The following TEP1 variants were observed in gnomAD, a reference collection of about 807,000 sequenced individuals.
TEP1 encodes telomerase associated protein 1, also known as telomerase protein component 1.
Under a neutral mutation model 306.3 loss-of-function variants are expected in TEP1, and 241 were observed. The ratio of observed to expected loss-of-function variants is 0.79; its 90% confidence interval spans 0.71 to 0.88. TEP1 has a LOEUF of 0.88. Among genes scored for constraint, TEP1 ranks in the 40% least tolerant of loss-of-function variants. The probability of loss-of-function intolerance (pLI) is 0.00; values close to 1 mark genes in which losing one functional copy is unlikely to be tolerated. For missense variants in TEP1, 3,051 were observed against 3,276.1 expected, an observed-to-expected ratio of 0.93 and a Z score of 1.68; for synonymous variants, 1,289 against 1,305.5, an observed-to-expected ratio of 0.99 and a Z score of 0.27.
Position 20,386,437 on chromosome 14 carries a change from G to T in TEP1, c.2861+10C>A. 6.3e-7 allele frequency: 1 copy of T among 1,590,188 alleles called. No homozygotes were observed. Among genetic ancestry groups the T allele is most frequent in the East Asian group, 2.3e-5 (1 of 44,440 alleles). ...CCCGACCCAGCCCCTCTTCTCTGCAGCCCCCACACCTGTTCCTACGGGTCT... is the reference window on the plus strand; with the variant it reads ...CCCGACCCAGCCCCTCTTCTCTGCATCCCCCACACCTGTTCCTACGGGTCT... On this transcript the variant is annotated intron_variant, in intron 19 of 54. Coordinates refer to ENST00000262715, the MANE Select transcript of TEP1 (RefSeq NM_007110.5).
At chr14:20,389,040 C>T (rs796787101) in intron 17 of TEP1, among the ~76,000 whole-genome samples, 198 bp downstream of exon 17, 2 of 151,756 alleles carry the variant, frequency 1.3e-5, no homozygotes, top group African/African-American at 4.8e-5. Context: ...CCCAGGTACT[C>T]GGGAGGCGGA....
intron 44 of TEP1, among the ~76,000 whole-genome samples, chr14:20,374,039 C>T (rs1885026289): frequency 6.6e-6 from 1 of 151,960 alleles, no homozygotes; most frequent in African/African-American, 2.4e-5. Context: ...TTACACCAAC[C>T]CTTAGCCTCA....
At chr14:20,400,137 C>CAAAAAAAA (rs58121179) in intron 9 of TEP1, among the ~76,000 whole-genome samples, 2 of 80,466 alleles carry the variant, frequency 2.5e-5, no homozygotes, top group South Asian at 4.7e-4. Context: ...AACTCCGTCT[C>CAAAAAAAA]AAAAAAAAAA....
At chr14:20,401,228 C>A (rs1594369378) in intron 8 of TEP1, 87 bp from the exon 9 acceptor site, 6 of 1,492,832 alleles carry the variant, frequency 4.0e-6, no homozygotes, top group Non-Finnish European at 5.4e-6. Context: ...GTTTACAGGG[C>A]ATGTCTGCCC....
intron 39 of TEP1, 31 bp from the exon 40 acceptor site, chr14:20,377,784 C>T (rs1395735872): frequency 6.2e-7 from 1 of 1,609,394 alleles, no homozygotes; most frequent in East Asian, 2.2e-5. Context: ...TTAAGGATAC[C>T]ACCTCCACCA....
intron 17 of TEP1, 140 bp downstream of exon 17, chr14:20,389,098 A>C: frequency 1.3e-6 from 1 of 742,828 alleles, no homozygotes; most frequent in Non-Finnish European, 2.2e-6. Context: ...CAGTGAGCCA[A>C]GATTGTGCCA....
At chr14:20,371,762 G>T in intron 49 of TEP1, 130 bp from the exon 50 acceptor site, 1 of 1,157,778 alleles carries the variant, frequency 8.6e-7, no homozygotes, top group Admixed American at 2.8e-5. Context: ...TGAAAATCCT[G>T]TTCCACTTTC....
In TEP1 at chr14:20,395,538, G is replaced by T; in HGVS notation, c.1840C>A (p.Leu614Ile). Residue 614 changes from leucine (L) to isoleucine (I), a missense_variant, in exon 12 of 55, where the codon CTA (leucine) becomes ATA (isoleucine). Leu to Ile is a conservative substitution (Grantham distance 5, BLOSUM62 2). Transcript: ENST00000262715. ...NRPRRRFLCH[L>I]SRQQLRMAMR... ...GCCATCCGAAGCTGCTGACGGCTTA[G>T]GTGGCAAAGAAACCTCCGCCTGGGA... 3 of 1,613,928 alleles carry T rather than the reference G, an allele frequency of 1.9e-6. No homozygotes were observed. Among genetic ancestry groups the T allele is most frequent in the Admixed American group, 1.7e-5 (1 of 60,030 alleles).
At chr14:20,369,901 T>C (rs1383270026) in intron 51 of TEP1, 122 bp from the exon 52 acceptor site, 2 of 676,602 alleles carry the variant, frequency 3.0e-6, no homozygotes, top group South Asian at 2.0e-5. Flanking sequence ...ACAACTTAGA[T>C]ACAATCAAGT....
Position 20,369,767 on chromosome 14 carries a change from A to G in TEP1, c.7330T>C (p.Ser2444Pro). Residue 2444 changes from serine to proline, a missense_variant, in exon 52 of 55, where the codon TCA becomes CCA. Physicochemically the swap from Ser to Pro is moderately conservative, Grantham distance 74. Around this residue, in one of 3 missense-constraint regions of TEP1, gnomAD observed 1,540 missense variants for 1,705.9 expected, o/e 0.90. Transcript: ENST00000262715. ...TTCAGCCTCTCTTCAAACTCTCCTG[A>G]TTCCTTTTGCCTCTGTGAAAGAATA... ...GVLSFLRQKE[S>P]GEFEERLNFD... 2 of 1,613,854 alleles carry G rather than the reference A, an allele frequency of 1.2e-6. No homozygotes were observed. The highest frequency in any genetic ancestry group is 1.7e-6 in the Non-Finnish European group (2 of 1,179,906).
At position 20,367,160 on chromosome 14, in the gene TEP1, T is replaced by C. The variant is rs1884516303; in HGVS notation, c.*1277A>G. 6.6e-6 allele frequency: 1 copy of C among 152,212 alleles called. No homozygotes were observed. Among genetic ancestry groups the C allele is most frequent in the Non-Finnish European group, 1.5e-5 (1 of 68,044 alleles). The allele number at this position is 152,212 out of a possible 1,614,324, so 9.4% of individuals were successfully genotyped here. ...GTGCAGATAACCTGAGGTCAGGAGTTTGAGACCCACCTGGCCAACATGGTG... is the reference window on the plus strand; with the variant it reads ...GTGCAGATAACCTGAGGTCAGGAGTCTGAGACCCACCTGGCCAACATGGTG... On this transcript the variant is annotated 3_prime_UTR_variant, in exon 55 of 55. Transcript: ENST00000262715.
chr14:20,373,120 G>A lies in TEP1; in HGVS notation c.6842C>T (p.Ala2281Val). 1 of 1,614,234 alleles carries A rather than the reference G, an allele frequency of 6.2e-7. No individual in the cohort carries two copies. The highest frequency in any genetic ancestry group is 8.5e-7 in the Non-Finnish European group (1 of 1,180,048). ...TGCCCAAGCCACAGCAGTGACGGCTGCAGAACTCCTTGGTATACATGTGTC... is the reference window on the plus strand; with the variant it reads ...TGCCCAAGCCACAGCAGTGACGGCTACAGAACTCCTTGGTATACATGTGTC... The part of the protein sequence containing the change: ...ADDTCIPRSS[A>V]AVTAVAWAPD... Residue 2281 changes from alanine (A) to valine (V), a missense_variant, in exon 48 of 55, where the codon GCA (alanine) becomes GTA (valine). This residue lies in a region of TEP1 where 1,540 missense variants were observed against 1,705.9 expected (regional missense o/e 0.90). Coordinates refer to ENST00000262715, the MANE Select transcript of TEP1 (RefSeq NM_007110.5).
At chr14:20,377,182 T>C in intron 41 of TEP1, 98 bp downstream of exon 41, 1 of 1,064,910 alleles carries the variant, frequency 9.4e-7, no homozygotes. Context: ...ACCACTGCAC[T>C]CTAGCCTGGG....
intron 51 of TEP1, among the ~76,000 whole-genome samples, chr14:20,370,134 G>C (rs1443474020): frequency 6.6e-6 from 1 of 152,122 alleles, no homozygotes; most frequent in East Asian, 1.9e-4. Context: ...GGCTGGTCTC[G>C]AACTCCTGGC....
intron 50 of TEP1, 52 bp from the exon 51 acceptor site, chr14:20,371,366 GAGA>G (rs763053666): frequency 2.5e-6 from 4 of 1,595,030 alleles, no homozygotes; most frequent in East Asian, 2.2e-5. Context: ...GAGAGGTAAA[GAGA>G]AGAACACCTC....
In TEP1 at chr14:20,368,804, C is replaced by T. The variant is rs758425360; in HGVS notation, c.7755G>A (p.Met2585Ile). 5.1e-6 allele frequency: 8 copies of T among 1,575,888 alleles called. No homozygotes were observed. Among genetic ancestry groups the T allele is most frequent in the African/African-American group, 4.4e-5 (3 of 68,652 alleles). ...CACACACACACACACTTACCAGCTG[C>T]ATACTGGGTCTCTCCCATAGCTTAA... ...RDVKLWERPS[M>I]QLLGLFRCEG... The change falls in exon 54 of 55, where the codon ATG becomes ATA. Residue 2585 changes from methionine (M) to isoleucine (I), a missense_variant. Physicochemically the swap from Met to Ile is conservative, Grantham distance 10. Coordinates refer to ENST00000262715, the MANE Select transcript of TEP1 (RefSeq NM_007110.5).
At chr14:20,405,129 C>T (rs3762145) in intron 4 of TEP1, among the ~76,000 whole-genome samples, 23,403 of 152,182 alleles carry the variant, frequency 0.15, 1,841 homozygotes, top group South Asian at 0.19. Flanking sequence ...TTTCCCACCG[C>T]GCTCTTCTTT....
rs1876651573 is a variant in TEP1 at position 20,382,370 on chromosome 14, A to G, written c.4141-14T>C. On this transcript the variant is annotated splice_polypyrimidine_tract_variant and intron_variant, in intron 28 of 54. Transcript: ENST00000262715. ...TCTCTCAGACACCTAGGATGGCGGG[A>G]GGACAGCCTTGTTCAGTGCAGTGGG... 6.3e-7 allele frequency: 1 copy of G among 1,599,654 alleles called. No homozygotes were observed. Among genetic ancestry groups the G allele is most frequent in the East Asian group, 2.2e-5 (1 of 44,820 alleles).
rs762612248 is a variant in TEP1 at position 20,403,766 on chromosome 14, T to C, written c.1151A>G (p.Lys384Arg). ...GCGGGGGTGTCTCTTGGCCCGGTGC[T>C]TCCGAGGGTTGTACTTAGCCAGCTG... ...EYQLAKYNPR[K>R]HRAKRHPRRP... Residue 384 changes from lysine to arginine, a missense_variant, in exon 6 of 55, where the codon AAG becomes AGG. Lys to Arg is a conservative substitution (Grantham distance 26). Transcript: ENST00000262715. 4 of 1,613,966 alleles carry C rather than the reference T, an allele frequency of 2.5e-6. No homozygotes were observed. In the African/African-American group the frequency reaches 4.0e-5, roughly 16 times the overall value.
Sources: gnomAD v4.1 joint callset for allele counts (sites outside exome capture counted in the v4.1 genomes callset) on GRCh38, gnomAD v4.1.1 for gene constraint, gnomAD v4.1.1 regional missense constraint, MANE v1.5 for transcripts, NCBI Gene and HGNC (gene_info 2026-07-23, HGNC 2026-07-21) for gene names.